The following BRD7 variants were observed in gnomAD, a reference collection of about 807,000 sequenced individuals.
The protein encoded by BRD7 is bromodomain containing 7.
Under a neutral mutation model 82.1 loss-of-function variants are expected in BRD7, and 15 were observed. The ratio of observed to expected loss-of-function variants is 0.18; its 90% confidence interval spans 0.12 to 0.28. The LOEUF (loss-of-function observed/expected upper bound fraction) is 0.28, where lower values mean the gene tolerates loss of function less well. Among genes scored for constraint, BRD7 ranks in the 10% least tolerant of loss-of-function variants. The probability of loss-of-function intolerance (pLI) is 1.00; values close to 1 mark genes in which losing one functional copy is unlikely to be tolerated. For synonymous variants in BRD7, 232 were observed against 266.9 expected (o/e 0.87, Z 1.27); for missense variants, 638 against 779.9 (o/e 0.82, Z 2.17).
At chr16:50,319,733 C>T (rs994201678) in intron 16 of BRD7, among the ~76,000 whole-genome samples, 154 bp downstream of exon 16, 1 of 152,122 alleles carries the variant, frequency 6.6e-6, no homozygotes, top group Admixed American at 6.5e-5. Context: ...TAGGCAAATA[C>T]CTTTTATGTT....
intron 5 of BRD7, among the ~76,000 whole-genome samples, chr16:50,343,272 T>TCCC (rs2151175718): frequency 6.6e-6 from 1 of 152,266 alleles, no homozygotes; most frequent in East Asian, 1.9e-4. Flanking sequence ...GAGGCAGATA[T>TCCC]CCCCCTTGCT....
intron 2 of BRD7, 140 bp from the exon 3 acceptor site, chr16:50,355,062 T>A: frequency 9.7e-7 from 1 of 1,035,826 alleles, no homozygotes; most frequent in Non-Finnish European, 1.4e-6. Context: ...TACTGCCATC[T>A]ACTGGAAAAG....
chr16:50,359,464 T>C (rs1332475567), intron 2 of BRD7, among the ~76,000 whole-genome samples: 2 of 152,188 alleles, frequency 1.3e-5, no homozygotes, highest in African/African-American at 4.8e-5. Context: ...ATTCATTCAA[T>C]AAATAAAAGA....
rs199881319 is a variant in BRD7, at chr16:50,368,297, C to A, written c.51G>T (p.Glu17Asp). The A allele has an allele frequency of 2.5e-6, 4 of 1,611,578 alleles. No individual in the cohort carries two copies. The highest frequency in any genetic ancestry group is 3.4e-6 in the Non-Finnish European group (4 of 1,179,394). The change falls in exon 2 of 17, where the codon GAG becomes GAT. Residue 17 changes from glutamate to aspartate, a missense_variant and splice_region_variant. Around this residue, in one of 3 missense-constraint regions of BRD7, gnomAD observed 172 missense variants for 155.3 expected, o/e 1.11. Transcript: ENST00000394688. ...KHKSDKHLYE[E>D]YVEKPLKLVL... ...CCAGCTTCAAGGGCTTCTCTACATA[C>A]TCTTAAAAAAAGAAAAGAAAAGAAA...
rs901272365 is a variant in BRD7 at position 50,326,190 on chromosome 16, G to A, written c.1195+94C>T. The stretch of plus-strand genomic sequence containing the variant: ...TTGCAAAAATACCACCAAGATACTG[G>A]TGCCCACCTAGTGAATAAAGCATAA... On this transcript the variant is annotated intron_variant, in intron 10 of 16. Transcript: ENST00000394688. 3.1e-6 allele frequency: 3 copies of A among 982,704 alleles called. No individual in the cohort carries two copies. In the Admixed American group the frequency reaches 6.5e-5, roughly 21 times the overall value. 60.9% of individuals were successfully genotyped at this position (982,704 alleles called of 1,614,324 possible).
intron 3 of BRD7, 31 bp downstream of exon 3, chr16:50,354,762 T>C (rs763713735): frequency 2.5e-6 from 4 of 1,601,542 alleles, no homozygotes; most frequent in Non-Finnish European, 2.6e-6. Context: ...AGCCTCCTCA[T>C]TCAGGATAGT....
intron 5 of BRD7, among the ~76,000 whole-genome samples, chr16:50,344,866 T>A (rs2038217596): frequency 6.6e-6 from 1 of 152,068 alleles, no homozygotes; most frequent in South Asian, 2.1e-4. Flanking sequence ...CAGGAGAACT[T>A]CCCCAACCTA....
intron 2 of BRD7, among the ~76,000 whole-genome samples, chr16:50,364,859 G>A (rs1410603602): frequency 1.2e-4 from 18 of 152,224 alleles, no homozygotes; most frequent in Admixed American, 1.2e-3. Context: ...GAATATTAAT[G>A]TATCAATGGG....
At chr16:50,351,417 G>A (rs1020211993) in intron 4 of BRD7, among the ~76,000 whole-genome samples, 2 of 152,204 alleles carry the variant, frequency 1.3e-5, no homozygotes, top group East Asian at 1.9e-4. Flanking sequence ...CAAAATGTGC[G>A]CTGTCCACAG....
intron 2 of BRD7, among the ~76,000 whole-genome samples, chr16:50,364,829 C>T (rs182186488): frequency 1.6e-4 from 24 of 152,126 alleles, no homozygotes; most frequent in Admixed American, 1.2e-3. Context: ...ATAAAGATAA[C>T]GAATAAAACA....
chr16:50,343,809 C>T (rs969480310), intron 5 of BRD7, among the ~76,000 whole-genome samples: 2 of 152,202 alleles, frequency 1.3e-5, no homozygotes, highest in African/African-American at 4.8e-5. Context: ...CCGGGAAGCT[C>T]GAACTGGGTG....
In BRD7 at chr16:50,368,763, C is replaced by T. The variant is rs373420203; in HGVS notation, c.12G>A (p.Lys4=). The change falls in exon 1 of 17, where the codon AAG becomes AAA. Residue 4 remains lysine (K), a synonymous_variant. Transcript: ENST00000394688. Reference sequence around the variant, plus strand: ...GTTTGTCCGACTTGTGCTTCTTGTGCTTCTTGCCCATGTCCGACCGGGCCC... The same window carrying T: ...GTTTGTCCGACTTGTGCTTCTTGTGTTTCTTGCCCATGTCCGACCGGGCCC... MGK[K]HKKHKSDKHL... is the part of the protein sequence containing the mutation. The T allele has an allele frequency of 5.2e-6, 8 of 1,548,032 alleles. No homozygotes were observed. In the South Asian group the frequency reaches 7.0e-5, roughly 13 times the overall value.
chr16:50,330,148 G>T (rs940857944), intron 8 of BRD7, among the ~76,000 whole-genome samples: 32 of 152,274 alleles, frequency 2.1e-4, no homozygotes, highest in African/African-American at 7.7e-4. Flanking sequence ...GCTCTTTTCT[G>T]TATTGTATTA....
intron 5 of BRD7, among the ~76,000 whole-genome samples, chr16:50,341,585 G>A (rs191273405): frequency 3.4e-5 from 5 of 148,180 alleles, no homozygotes; most frequent in Non-Finnish European, 7.4e-5. Context: ...GGAGGTTGCA[G>A]TGAGCCAAGA....
intron 9 of BRD7, among the ~76,000 whole-genome samples, chr16:50,328,296 T>G (rs1229954324): frequency 6.6e-6 from 1 of 152,230 alleles, no homozygotes; most frequent in Non-Finnish European, 1.5e-5. Context: ...TTTTATTCCC[T>G]GAAATAAACA....
intron 2 of BRD7, among the ~76,000 whole-genome samples, chr16:50,365,853 G>C (rs936344000): frequency 2.0e-5 from 3 of 151,726 alleles, no homozygotes; most frequent in African/African-American, 7.3e-5. Context: ...CTAAAGGGCA[G>C]GAGTTCCAGA....
chr16:50,343,889 CT>C (rs1212160131), intron 5 of BRD7, among the ~76,000 whole-genome samples: 1 of 152,192 alleles, frequency 6.6e-6, no homozygotes, highest in Non-Finnish European at 1.5e-5. Context: ...TTAAACGTCC[CT>C]GTCTGACAGC....
At chr16:50,354,690 C>A in intron 3 of BRD7, 103 bp downstream of exon 3, 1 of 1,451,704 alleles carries the variant, frequency 6.9e-7, no homozygotes, top group Non-Finnish European at 9.2e-7. Flanking sequence ...CTTAAAAATT[C>A]AATCACAAAG....
chr16:50,343,276 C>T (rs915232919), intron 5 of BRD7, among the ~76,000 whole-genome samples: 1 of 152,136 alleles, frequency 6.6e-6, no homozygotes, highest in African/African-American at 2.4e-5. Flanking sequence ...CAGATATCCC[C>T]CTTGCTGTTC....
Sources: gnomAD v4.1 joint callset for allele counts (sites outside exome capture counted in the v4.1 genomes callset) on GRCh38, gnomAD v4.1.1 for gene constraint, gnomAD v4.1.1 regional missense constraint, MANE v1.5 for transcripts, NCBI Gene and HGNC (gene_info 2026-07-23, HGNC 2026-07-21) for gene names.